The following C8orf34 variants were observed in gnomAD, a reference collection of about 807,000 sequenced individuals.
The protein encoded by C8orf34 is chromosome 8 open reading frame 34.
Under a neutral mutation model 68.3 loss-of-function variants are expected in C8orf34, and 65 were observed. That is an observed-to-expected ratio of 0.95 (90% CI 0.78 to 1.17). C8orf34 has a LOEUF of 1.17. Ranked by LOEUF, C8orf34 falls within the 50% of genes most tolerant of loss-of-function variation. The pLI is 0.00. For missense variants in C8orf34, 664 were observed against 655.4 expected (o/e 1.01, Z -0.14); for synonymous variants, 244 against 241.2 (o/e 1.01, Z -0.11).
chr8:68,517,143 T>A (rs1365048300), intron 5 of C8orf34, among the ~76,000 whole-genome samples: 1 of 152,242 alleles, frequency 6.6e-6, no homozygotes, highest in Non-Finnish European at 1.5e-5. Flanking sequence ...TTTACATTTT[T>A]AAATTACTTT....
intron 7 of C8orf34, among the ~76,000 whole-genome samples, chr8:68,603,123 G>A (rs774589090): frequency 1.4e-4 from 21 of 149,576 alleles, no homozygotes; most frequent in Admixed American, 8.6e-4. Flanking sequence ...AAGTTTGTTC[G>A]TGGGATTATG....
At chr8:68,548,582 G>C (rs1586358131) in intron 7 of C8orf34, among the ~76,000 whole-genome samples, 1 of 151,750 alleles carries the variant, frequency 6.6e-6, no homozygotes, top group African/African-American at 2.4e-5. Context: ...TTGCTAATGG[G>C]AATGCAAAAT....
chr8:68,455,596 T>A (rs1374829533), intron 3 of C8orf34, among the ~76,000 whole-genome samples: 3 of 152,156 alleles, frequency 2.0e-5, no homozygotes, highest in African/African-American at 7.2e-5. Flanking sequence ...TATCTTTTGA[T>A]CATTATTCCT....
intron 12 of C8orf34, among the ~76,000 whole-genome samples, chr8:68,806,927 G>A (rs1473147252): frequency 6.6e-6 from 1 of 152,126 alleles, no homozygotes; most frequent in Non-Finnish European, 1.5e-5. Flanking sequence ...GATTTACCTG[G>A]GGCTGGAGAT....
intron 4 of C8orf34, among the ~76,000 whole-genome samples, chr8:68,474,592 G>A (rs1812521817): frequency 6.6e-6 from 1 of 152,142 alleles, no homozygotes. Flanking sequence ...ATAAATTTAT[G>A]TTTAGGAGAG....
In C8orf34 at chr8:68,567,577, C is replaced by CTTTTTT. The variant is rs1160845483; in HGVS notation, c.1105+34458_1105+34463dup. On this transcript the variant is annotated intron_variant, in intron 7 of 13. Transcript: ENST00000518698. ...TCTTTTCAAATTTTGTTTCATTTAT[C>CTTTTTT]TTTTTTTTTTTTTTTTTTTTTTTTT... Among the ~76,000 whole-genome samples, 228 of 29,830 alleles carry CTTTTTT rather than the reference C, an allele frequency of 7.6e-3. 33 individuals are homozygous for CTTTTTT. Among genetic ancestry groups the CTTTTTT allele is most frequent in the Middle Eastern group, 0.036 (1 of 28 alleles). The allele number at this position is 29,830 out of a possible 152,430, so 19.6% of individuals were successfully genotyped here.
chr8:68,786,567 T>A (rs1236073661), intron 11 of C8orf34, among the ~76,000 whole-genome samples: 3 of 152,152 alleles, frequency 2.0e-5, no homozygotes, highest in African/African-American at 4.8e-5. Context: ...TAGAAGTGAC[T>A]CCCGAGCCTT....
intron 7 of C8orf34, among the ~76,000 whole-genome samples, chr8:68,630,945 ATT>A (rs36031699): frequency 4.1e-4 from 48 of 118,334 alleles, no homozygotes; most frequent in Non-Finnish European, 6.5e-4. Context: ...ATGCCCAGCT[ATT>A]TTTTTTTTTT....
intron 5 of C8orf34, among the ~76,000 whole-genome samples, chr8:68,495,136 G>T (rs1813473341): frequency 2.0e-5 from 3 of 151,568 alleles, no homozygotes; most frequent in Admixed American, 1.3e-4. Context: ...GTATATTTTA[G>T]AGTACTTAGA....
At chr8:68,464,164 C>A (rs1177237813) in intron 3 of C8orf34, among the ~76,000 whole-genome samples, 1 of 151,982 alleles carries the variant, frequency 6.6e-6, no homozygotes, top group African/African-American at 2.4e-5. Flanking sequence ...AAACCGAGAG[C>A]CAAATCATGA....
intron 8 of C8orf34, among the ~76,000 whole-genome samples, chr8:68,650,956 C>A (rs983038958): frequency 9.2e-5 from 14 of 152,158 alleles, no homozygotes; most frequent in Non-Finnish European, 1.6e-4. Context: ...TTCCAGCTTG[C>A]TTATCTATGT....
At chr8:68,525,224 C>T (rs927937770) in intron 6 of C8orf34, among the ~76,000 whole-genome samples, 1 of 151,866 alleles carries the variant, frequency 6.6e-6, no homozygotes, top group Non-Finnish European at 1.5e-5. Flanking sequence ...AGTGAATATA[C>T]AAATATATGC....
chr8:68,610,861 G>GTTTT (rs60113883), intron 7 of C8orf34, among the ~76,000 whole-genome samples: 3,276 of 119,988 alleles, frequency 0.027, 195 homozygotes, highest in African/African-American at 0.088. Flanking sequence ...TGAATCTTTG[G>GTTTT]TTTTTTTTTT....
intron 9 of C8orf34, among the ~76,000 whole-genome samples, chr8:68,714,234 A>G (rs1267353609): frequency 6.6e-6 from 1 of 152,188 alleles, no homozygotes; most frequent in Non-Finnish European, 1.5e-5. Context: ...GGAAGAAGAC[A>G]AAGATGCCTA....
chr8:68,581,142 A>G (rs1273894662), intron 7 of C8orf34, among the ~76,000 whole-genome samples: 2 of 152,144 alleles, frequency 1.3e-5, no homozygotes, highest in Non-Finnish European at 2.9e-5. Flanking sequence ...TCATAATAAG[A>G]CCCAAAGAAA....
chr8:68,787,595 A>C (rs1205427726), intron 12 of C8orf34, 59 bp downstream of exon 12: 7 of 1,255,592 alleles, frequency 5.6e-6, no homozygotes, highest in Non-Finnish European at 6.7e-6. Context: ...ATCCACAATA[A>C]AGCTATTTCA....
intron 8 of C8orf34, among the ~76,000 whole-genome samples, chr8:68,689,911 G>C (rs1032857131): frequency 1.3e-5 from 2 of 152,016 alleles, no homozygotes; most frequent in African/African-American, 4.8e-5. Context: ...GGTGCCACTG[G>C]TGGAAATTTA....
intron 7 of C8orf34, among the ~76,000 whole-genome samples, chr8:68,638,142 T>C (rs1388023333): frequency 6.6e-6 from 1 of 152,122 alleles, no homozygotes; most frequent in Non-Finnish European, 1.5e-5. Flanking sequence ...GAGGTCATTA[T>C]CTCCCTCTGA....
intron 1 of C8orf34, among the ~76,000 whole-genome samples, chr8:68,356,397 A>T (rs1272224593): frequency 1.3e-5 from 2 of 152,092 alleles, no homozygotes; most frequent in African/African-American, 2.4e-5. Context: ...ACAAAAACTC[A>T]TATGTATGTA....
Sources: gnomAD v4.1 joint callset for allele counts (sites outside exome capture counted in the v4.1 genomes callset) on GRCh38, gnomAD v4.1.1 for gene constraint, MANE v1.5 for transcripts, NCBI Gene and HGNC (gene_info 2026-07-23, HGNC 2026-07-21) for gene names.